The following RUFY1 variants were observed in gnomAD, a reference collection of about 807,000 sequenced individuals.
RUFY1 encodes RUN and FYVE domain containing 1.
Under a neutral mutation model 94.6 loss-of-function variants are expected in RUFY1, and 54 were observed. That is an observed-to-expected ratio of 0.57 (90% CI 0.46 to 0.72). The LOEUF is 0.72. Among genes scored for constraint, RUFY1 ranks in the 30% least tolerant of loss-of-function variants. The probability of loss-of-function intolerance (pLI) is 0.00; values close to 1 mark genes in which losing one functional copy is unlikely to be tolerated. For synonymous variants in RUFY1, 396 were observed against 347.3 expected (o/e 1.14, Z -1.56); for missense variants, 883 against 883.9 (o/e 1.00, Z 0.01).
At chr5:179,605,835 T>TG in intron 15 of RUFY1, 41 bp from the exon 16 acceptor site, 1 of 1,365,876 alleles carries the variant, frequency 7.3e-7, no homozygotes, top group Non-Finnish European at 1.0e-6. Context: ...AGAGCCTCAC[T>TG]CTCTCTCACT....
chr5:179,587,980 G>T (rs6601054), intron 8 of RUFY1, among the ~76,000 whole-genome samples: 28,195 of 151,862 alleles, frequency 0.19, 3,458 homozygotes, highest in East Asian at 0.63. Context: ...GTGAGACAGA[G>T]TAACACCCTG....
chr5:179,555,806 T>C, intron 1 of RUFY1: 2 of 263,540 alleles, frequency 7.6e-6, no homozygotes, highest in South Asian at 6.0e-5. Context: ...TTTTTGGATT[T>C]TTTTTTTTTT....
At chr5:179,580,835 G>T (rs2127540775) in intron 6 of RUFY1, 112 bp from the exon 7 acceptor site, 1 of 617,806 alleles carries the variant, frequency 1.6e-6, no homozygotes, top group Admixed American at 3.3e-5. Context: ...CTGTCTCTTG[G>T]TTTCTTGAAG....
chr5:179,602,311 C>T, intron 15 of RUFY1: 1 of 275,378 alleles, frequency 3.6e-6, no homozygotes. Context: ...GGTCAGCCTA[C>T]AGTCAGGCCA....
At chr5:179,590,681 G>T (rs1764994975) in intron 9 of RUFY1, among the ~76,000 whole-genome samples, 1 of 151,828 alleles carries the variant, frequency 6.6e-6, no homozygotes, top group African/African-American at 2.4e-5. Flanking sequence ...TAGAGACGGG[G>T]TTTCACCATG....
At chr5:179,564,975 A>G (rs1762723842) in intron 3 of RUFY1, among the ~76,000 whole-genome samples, 1 of 150,138 alleles carries the variant, frequency 6.7e-6, no homozygotes. Flanking sequence ...AACTGCATGT[A>G]AAATATGTTA....
intron 14 of RUFY1, among the ~76,000 whole-genome samples, chr5:179,599,062 T>C (rs145393875): frequency 9.9e-5 from 15 of 152,282 alleles, no homozygotes; most frequent in East Asian, 3.9e-4. Context: ...CAGAACAGTG[T>C]CCTCACCCGT....
chr5:179,598,365 AAAAAG>A (rs1389682767), intron 13 of RUFY1: 2 of 287,234 alleles, frequency 7.0e-6, no homozygotes, highest in South Asian at 4.0e-5. Context: ...CCTGTCTCAA[AAAAAG>A]AAAAGAACGA....
At position 179,562,567 on chromosome 5, in the gene RUFY1, C is replaced by A; in HGVS notation, c.505C>A (p.Gln169Lys). 1 of 1,608,738 alleles carries A rather than the reference C, an allele frequency of 6.2e-7. No individual in the cohort carries two copies. Among genetic ancestry groups the A allele is most frequent in the South Asian group, 1.1e-5 (1 of 90,834 alleles). ...GLKVKKSFIG[Q>K]NKSFFGPLEL... ...TTTAGTTAAGAAGAGTTTTATTGGC[C>A]AAAATAAATCATTCTTTGGTCCTTT... Residue 169 changes from glutamine to lysine, a missense_variant, in exon 3 of 18, where the codon CAA (glutamine) becomes AAA (lysine). Coordinates refer to ENST00000319449, the MANE Select transcript of RUFY1 (RefSeq NM_025158.5).
At chr5:179,605,815 T>G in intron 15 of RUFY1, 61 bp from the exon 16 acceptor site, 1 of 1,083,370 alleles carries the variant, frequency 9.2e-7, no homozygotes, top group Non-Finnish European at 1.4e-6. Flanking sequence ...GCCAGCTGTG[T>G]TAGGGATTCA....
In RUFY1 at chr5:179,609,499, T is replaced by C. The variant is rs1047539254; in HGVS notation, c.2107T>C (p.Cys703Arg). The C allele has an allele frequency of 8.1e-6, 13 of 1,607,406 alleles. No individual in the cohort carries two copies. The highest frequency in any genetic ancestry group is 1.0e-5 in the Non-Finnish European group (12 of 1,179,094). Residue 703 changes from cysteine to arginine, a missense_variant, in exon 18 of 18, where the codon TGC (cysteine) becomes CGC (arginine). Coordinates refer to ENST00000319449, the MANE Select transcript of RUFY1 (RefSeq NM_025158.5). ...CTGCCACACCCTGCTCCTGCAGCGC[T>C]GCTCCTCCACGGCCTCCTGAACGTC... The part of the protein sequence containing the change: ...DSCHTLLLQR[C>R]SSTAS
At position 179,596,615 on chromosome 5, in the gene RUFY1, T is replaced by A. The variant is rs748271368; in HGVS notation, c.1565T>A (p.Leu522Gln). Reference protein sequence around the residue: ...RQGAEERSHKLQQELGGRIGA... With the variant: ...RQGAEERSHKQQQELGGRIGA... ...GGGGCTGAGGAGCGGAGCCACAAGC[T>A]GCAGCAGGAGCTGGGCGGGAGGATC... Residue 522 changes from leucine to glutamine, a missense_variant, in exon 13 of 18, where the codon CTG (leucine) becomes CAG (glutamine). Physicochemically the swap from Leu to Gln is moderately radical, Grantham distance 113. Coordinates refer to ENST00000319449, the MANE Select transcript of RUFY1 (RefSeq NM_025158.5). 12 of 1,613,216 alleles carry A rather than the reference T, an allele frequency of 7.4e-6. No individual in the cohort carries two copies. In the South Asian group the frequency reaches 1.3e-4, roughly 18 times the overall value.
chr5:179,554,060 C>CT (rs1167821690), intron 1 of RUFY1, among the ~76,000 whole-genome samples: 1 of 152,092 alleles, frequency 6.6e-6, no homozygotes, highest in Non-Finnish European at 1.5e-5. Context: ...AGGGCCAGGC[C>CT]CAAGGCTGAC....
At chr5:179,570,460 A>G (rs1157574016) in intron 5 of RUFY1, among the ~76,000 whole-genome samples, 1 of 152,190 alleles carries the variant, frequency 6.6e-6, no homozygotes, top group African/African-American at 2.4e-5. Context: ...AGTAAGGTGT[A>G]GAGTGCTCTG....
At position 179,589,589 on chromosome 5, in the gene RUFY1, A is replaced by G. The variant is rs766859178; in HGVS notation, c.1070A>G (p.Gln357Arg). ...TDRICSLQEE[Q>R]QQLREQNELI... ...CGAATTTGCTCACTTCAAGAAGAAC[A>G]GCAGCAGTTAAGAGAACAAAATGAA... Residue 357 changes from glutamine to arginine, a missense_variant, in exon 9 of 18, where the codon CAG (glutamine) becomes CGG (arginine). By Grantham distance (43) the Gln-to-Arg change is conservative. Transcript: ENST00000319449. The G allele has an allele frequency of 4.3e-6, 7 of 1,614,090 alleles. No individual in the cohort carries two copies. The African/African-American group carries it at 9.3e-5, about 22-fold the overall frequency.
At chr5:179,609,015 C>G (rs182085299) in intron 17 of RUFY1, among the ~76,000 whole-genome samples, 1 of 151,564 alleles carries the variant, frequency 6.6e-6, no homozygotes, top group Non-Finnish European at 1.5e-5. Flanking sequence ...GTCAGGAGAT[C>G]GAGACCATCC....
intron 16 of RUFY1, 177 bp from the exon 17 acceptor site, chr5:179,607,405 G>A (rs563879025): frequency 1.3e-5 from 8 of 619,294 alleles, no homozygotes; most frequent in African/African-American, 5.5e-5. Flanking sequence ...TCCCGGCTGC[G>A]GCCAGACGGG....
intron 17 of RUFY1, chr5:179,608,561 C>CA: frequency 1.0e-6 from 1 of 985,536 alleles, no homozygotes; most frequent in Non-Finnish European, 1.2e-6. Flanking sequence ...ACGAACCAGA[C>CA]TCTTCCTGTA....
At chr5:179,584,250 C>A (rs1046613189) in intron 7 of RUFY1, among the ~76,000 whole-genome samples, 3 of 152,014 alleles carry the variant, frequency 2.0e-5, no homozygotes, top group Non-Finnish European at 4.4e-5. Context: ...AAGTTTATTT[C>A]TTTGTCCCCC....
Sources: gnomAD v4.1 joint callset for allele counts (sites outside exome capture counted in the v4.1 genomes callset) on GRCh38, gnomAD v4.1.1 for gene constraint, MANE v1.5 for transcripts, NCBI Gene and HGNC (gene_info 2026-07-23, HGNC 2026-07-21) for gene names.